The following AZIN1 variants were observed in gnomAD, a reference collection of about 807,000 sequenced individuals.
The protein encoded by AZIN1 is ornithine decarboxylase antizyme inhibitor.
A neutral mutation model predicts 47.4 loss-of-function variants in AZIN1; 12 were observed. The ratio of observed to expected loss-of-function variants is 0.25; its 90% CI spans 0.16 to 0.41. The LOEUF (loss-of-function observed/expected upper bound fraction) is 0.41. Ranked by LOEUF, AZIN1 falls within the 10% of genes least tolerant of loss-of-function variation. The pLI is 1.00. For synonymous variants in AZIN1, 155 were observed against 176.3 expected, an observed-to-expected ratio of 0.88 and a Z score of 0.96; for missense variants, 410 against 532.4, an observed-to-expected ratio of 0.77 and a Z score of 2.26.
At position 102,846,210 on chromosome 8, in the gene AZIN1, G is replaced by A. The variant is rs191343180; in HGVS notation, c.-95-2463C>T. Among the ~76,000 whole-genome samples the A allele has an allele frequency of 3.3e-5, 5 of 152,276 alleles. No homozygotes were observed. The East Asian group carries it at 5.8e-4, about 18-fold the overall frequency. The stretch of plus-strand genomic sequence containing the variant: ...TACAACCATAGTGTTCTTAGGAAGG[G>A]TAATTTTCCTTTAACAGTCAGGATC... On this transcript the variant is annotated intron_variant, in intron 2 of 11. Transcript: ENST00000337198.
chr8:102,857,293 T>C (rs578058694), intron 2 of AZIN1, among the ~76,000 whole-genome samples: 3 of 152,302 alleles, frequency 2.0e-5, no homozygotes, highest in African/African-American at 7.2e-5. Context: ...CCCTCAGCTT[T>C]CCTGAAAACT....
At chr8:102,853,119 C>G (rs1813024922) in intron 2 of AZIN1, among the ~76,000 whole-genome samples, 1 of 152,254 alleles carries the variant, frequency 6.6e-6, no homozygotes, top group African/African-American at 2.4e-5. Flanking sequence ...TGGGTGAAGA[C>G]TGTGATGGAA....
At chr8:102,841,439 G>T (rs1457091156) in intron 3 of AZIN1, among the ~76,000 whole-genome samples, 1 of 152,176 alleles carries the variant, frequency 6.6e-6, no homozygotes. Flanking sequence ...CCCCCGAAAA[G>T]TGTTGCAAAA....
chr8:102,834,075 A>C, intron 8 of AZIN1, 114 bp downstream of exon 8: 1 of 758,820 alleles, frequency 1.3e-6, no homozygotes, highest in Non-Finnish European at 2.1e-6. Flanking sequence ...ATAATTTTAA[A>C]GAGATGTTAT....
intron 5 of AZIN1, 78 bp from the exon 6 acceptor site, chr8:102,836,468 AGT>A: frequency 6.7e-7 from 1 of 1,484,808 alleles, no homozygotes; most frequent in South Asian, 1.2e-5. Context: ...GATTGTAGGA[AGT>A]GTGTTGATTA....
chr8:102,858,398 G>A (rs925879913), intron 1 of AZIN1, among the ~76,000 whole-genome samples: 4 of 152,066 alleles, frequency 2.6e-5, no homozygotes, highest in African/African-American at 7.2e-5. Flanking sequence ...CGTTTTATCT[G>A]CCTACTCAAG....
At chr8:102,851,025 A>T (rs949014560) in intron 2 of AZIN1, among the ~76,000 whole-genome samples, 4 of 152,246 alleles carry the variant, frequency 2.6e-5, no homozygotes, top group Non-Finnish European at 5.9e-5. Context: ...TGCACGTGGA[A>T]TTAACACAAT....
rs757944403 is a variant in AZIN1, at chr8:102,839,830, T to C, written c.103-7A>G. ...AAAATGCATTTTTCCCTGTCTATTA[T>C]GGTTATAAAAAAAAAGACAAATATG... On this transcript the variant is annotated splice_polypyrimidine_tract_variant and splice_region_variant and intron_variant, in intron 3 of 11. Transcript: ENST00000337198. 19 of 1,546,318 alleles carry C rather than the reference T, an allele frequency of 1.2e-5. No individual in the cohort carries two copies. In the East Asian group the frequency reaches 3.9e-4, roughly 32 times the overall value.
intron 7 of AZIN1, 27 bp downstream of exon 7, chr8:102,834,639 C>A: frequency 6.5e-7 from 1 of 1,531,360 alleles, no homozygotes; most frequent in South Asian, 1.2e-5. Context: ...AATAAAATAT[C>A]AAAATAACTT....
In AZIN1 at chr8:102,848,323, C is replaced by CAA. The variant is rs60663839; in HGVS notation, c.-95-4578_-95-4577dup. 5.7e-3 allele frequency among the ~76,000 whole-genome samples: 523 copies of CAA among 91,250 alleles called. 1 individual carries two copies. The highest frequency in any genetic ancestry group is 7.6e-3 in the Non-Finnish European group (349 of 46,132). The allele number at this position is 91,250 out of a possible 152,430, so 59.9% of individuals were successfully genotyped here. A position where few individuals can be genotyped will look rare whatever the true frequency, so the allele number is the denominator to read the frequency against. On this transcript the variant is annotated intron_variant, in intron 2 of 11. Transcript: ENST00000337198. The stretch of plus-strand genomic sequence containing the variant: ...CAGCTACTGTTAAAGACTAAAAGGC[C>CAA]AAAAAAAAAAAAAAAAAAAAAAGCC...
intron 5 of AZIN1, among the ~76,000 whole-genome samples, chr8:102,837,670 T>G (rs1046540385): frequency 1.3e-5 from 2 of 152,172 alleles, no homozygotes; most frequent in African/African-American, 4.8e-5. Context: ...TCCCTAGAAT[T>G]TTCCCAACAA....
At chr8:102,856,162 CTT>C (rs1479495342) in intron 2 of AZIN1, 2 of 144,620 alleles carry the variant, frequency 1.4e-5, no homozygotes, top group East Asian at 2.0e-4. Flanking sequence ...TTTTTAAAGA[CTT>C]TTTGGATTTC....
chr8:102,837,574 G>A (rs1199293314), intron 5 of AZIN1, among the ~76,000 whole-genome samples: 1 of 152,194 alleles, frequency 6.6e-6, no homozygotes, highest in Non-Finnish European at 1.5e-5. Flanking sequence ...GAAGATGCCA[G>A]TCCACAATCT....
chr8:102,862,602 C>G (rs899635703), intron 1 of AZIN1, among the ~76,000 whole-genome samples: 4 of 152,120 alleles, frequency 2.6e-5, no homozygotes, highest in African/African-American at 7.2e-5. Context: ...TTCTGCCAAC[C>G]CTTGCTGTAT....
chr8:102,842,533 C>T (rs1812269677), intron 3 of AZIN1, among the ~76,000 whole-genome samples: 1 of 151,924 alleles, frequency 6.6e-6, no homozygotes, highest in African/African-American at 2.4e-5. Flanking sequence ...TGGTGAAACC[C>T]CACCTCTACT....
At chr8:102,843,827 C>T in intron 2 of AZIN1, 80 bp from the exon 3 acceptor site, 2 of 978,500 alleles carry the variant, frequency 2.0e-6, no homozygotes, top group Non-Finnish European at 2.7e-6. Flanking sequence ...GTGCTAAGTG[C>T]CTAATTTAGT....
chr8:102,850,174 TTGAGAATAC>T (rs1326412465), intron 2 of AZIN1: 1 of 152,172 alleles, frequency 6.6e-6, no homozygotes, highest in Non-Finnish European at 1.5e-5. Flanking sequence ...AGCTGAAAGG[TTGAGAATAC>T]TGTTTCAGAG....
In AZIN1 at chr8:102,826,648, T is replaced by A. The variant is rs6921; in HGVS notation, c.*1919A>T. 72,473 of 152,450 alleles carry A rather than the reference T, an allele frequency of 0.48. 17,378 individuals are homozygous for A. Among genetic ancestry groups the A allele is most frequent in the Admixed American group, 0.52 (7,889 of 15,260 alleles). The allele number at this position is 152,450 out of a possible 1,614,324, so 9.4% of individuals were successfully genotyped here. On this transcript the variant is annotated 3_prime_UTR_variant, in exon 12 of 12. Coordinates refer to ENST00000337198, the MANE Select transcript of AZIN1 (RefSeq NM_148174.4). The stretch of plus-strand genomic sequence containing the variant: ...GATATTTGCAACTCTGAGCTATTTC[T>A]TATAGAACAGCTCTCCTGCAGATAT...
At chr8:102,840,262 A>G (rs536253919) in intron 3 of AZIN1, among the ~76,000 whole-genome samples, 23 of 152,252 alleles carry the variant, frequency 1.5e-4, no homozygotes, top group Admixed American at 3.3e-4. Flanking sequence ...GCTAAATAAA[A>G]CAAGCTATAT....
Sources: allele counts gnomAD v4.1 joint callset (sites outside exome capture counted in the v4.1 genomes callset), GRCh38; gene constraint gnomAD v4.1.1; transcripts MANE v1.5; gene names NCBI Gene and HGNC (gene_info 2026-07-23, HGNC 2026-07-21).